Variants in UBE2E2 observed in about 807,000 individuals in gnomAD.
The protein encoded by UBE2E2 is ubiquitin conjugating enzyme E2 E2.
UBE2E2 carries 6 observed loss-of-function variants against 24.7 expected under a neutral mutation model. The observed-to-expected ratio is 0.24, with a 90% CI of 0.13 to 0.48. The LOEUF is 0.48. Ranked by LOEUF, UBE2E2 falls within the 20% of genes least tolerant of loss-of-function variation. The pLI is 0.99. For synonymous variants in UBE2E2, 104 were observed against 83.6 expected, an observed-to-expected ratio of 1.24 and a Z score of -1.33; for missense variants, 169 against 245.0, an observed-to-expected ratio of 0.69 and a Z score of 2.07.
At chr3:23,491,671 T>C (rs1480694160) in intron 3 of UBE2E2, among the ~76,000 whole-genome samples, 1 of 152,160 alleles carries the variant, frequency 6.6e-6, no homozygotes, top group African/African-American at 2.4e-5. Context: ...AGGAGCCAAT[T>C]CTTTATGAAA....
At chr3:23,396,941 G>A (rs1349380459) in intron 3 of UBE2E2, among the ~76,000 whole-genome samples, 2 of 152,318 alleles carry the variant, frequency 1.3e-5, no homozygotes, top group Non-Finnish European at 2.9e-5. Context: ...AATAGAGTGT[G>A]ATACCTGCTT....
intron 3 of UBE2E2, among the ~76,000 whole-genome samples, chr3:23,373,230 T>G (rs1696439938): frequency 6.6e-6 from 1 of 152,136 alleles, no homozygotes; most frequent in Non-Finnish European, 1.5e-5. Context: ...GGGTTCTAAG[T>G]AAAACACCAG....
intron 3 of UBE2E2, among the ~76,000 whole-genome samples, chr3:23,241,095 T>C (rs1697248265): frequency 6.6e-6 from 1 of 152,206 alleles, no homozygotes; most frequent in Non-Finnish European, 1.5e-5. Flanking sequence ...CCAAATCTGC[T>C]TCACCCAGTC....
chr3:23,354,028 C>G, intron 3 of UBE2E2, among the ~76,000 whole-genome samples: 1 of 152,112 alleles, frequency 6.6e-6, no homozygotes. Flanking sequence ...GGTACTGGTA[C>G]CAAAACAGAG....
intron 4 of UBE2E2, among the ~76,000 whole-genome samples, chr3:23,501,290 A>G (rs1211362635): frequency 3.9e-5 from 6 of 152,206 alleles, no homozygotes; most frequent in African/African-American, 1.2e-4. Context: ...AATGACAGAA[A>G]TGTGTAGATT....
At chr3:23,311,163 T>C (rs201248513) in intron 3 of UBE2E2, among the ~76,000 whole-genome samples, 1 of 152,170 alleles carries the variant, frequency 6.6e-6, no homozygotes, top group Non-Finnish European at 1.5e-5. Flanking sequence ...CAGCTTCATC[T>C]ATGTCCCTGC....
intron 5 of UBE2E2, among the ~76,000 whole-genome samples, chr3:23,562,241 C>G (rs2125505448): frequency 6.6e-6 from 1 of 152,076 alleles, no homozygotes; most frequent in East Asian, 1.9e-4. Flanking sequence ...GAGATACGTC[C>G]CATCAATACC....
intron 3 of UBE2E2, among the ~76,000 whole-genome samples, chr3:23,357,394 T>G (rs1270232463): frequency 1.3e-5 from 2 of 152,118 alleles, no homozygotes; most frequent in African/African-American, 4.8e-5. Context: ...TGCCTGGAGA[T>G]ATGTGTGTGT....
intron 3 of UBE2E2, among the ~76,000 whole-genome samples, chr3:23,429,993 A>G (rs1698019660): frequency 6.6e-6 from 1 of 151,950 alleles, no homozygotes; most frequent in African/African-American, 2.4e-5. Context: ...CAATCCTCCC[A>G]CCTCAGCCTC....
Position 23,270,817 on chromosome 3 carries a change from ACT to A in UBE2E2, c.227+53510_227+53511del, listed in dbSNP as rs527679919. On this transcript the variant is annotated intron_variant, in intron 3 of 5. Transcript: ENST00000396703. Reference sequence around the variant, plus strand: ...ACAGTTTCAGGAATTCATTTAACACACTCTCTTAGGTGTGCAATTGTTTTTCT... The same window carrying A: ...ACAGTTTCAGGAATTCATTTAACACACTCTTAGGTGTGCAATTGTTTTTCT... 21 of 409,176 alleles carry A rather than the reference ACT, an allele frequency of 5.1e-5. 1 individual carries two copies. Among genetic ancestry groups the A allele is most frequent in the Admixed American group, 4.2e-4 (15 of 36,052 alleles). The allele number at this position is 409,176 out of a possible 1,614,324, so 25.3% of individuals were successfully genotyped here.
chr3:23,316,221 G>T (rs189630503), intron 3 of UBE2E2, among the ~76,000 whole-genome samples: 1 of 152,106 alleles, frequency 6.6e-6, no homozygotes, highest in African/African-American at 2.4e-5. Flanking sequence ...CTTAGGTCCT[G>T]TATGGGTCCA....
At chr3:23,588,814 A>G (rs1696692080) in intron 5 of UBE2E2, among the ~76,000 whole-genome samples, 2 of 152,050 alleles carry the variant, frequency 1.3e-5, no homozygotes, top group Non-Finnish European at 2.9e-5. Flanking sequence ...AACATATTAG[A>G]GTTTTAGGAC....
chr3:23,457,981 A>T (rs2125422295), intron 3 of UBE2E2, among the ~76,000 whole-genome samples: 1 of 152,270 alleles, frequency 6.6e-6, no homozygotes, highest in South Asian at 2.1e-4. Flanking sequence ...TCACTTTCTT[A>T]TCATTCATGT....
At chr3:23,441,639 T>G (rs114295948) in intron 3 of UBE2E2, among the ~76,000 whole-genome samples, 3 of 152,268 alleles carry the variant, frequency 2.0e-5, no homozygotes, top group African/African-American at 7.2e-5. Context: ...ACTGACTTGT[T>G]CCTAATAGTC....
At position 23,330,439 on chromosome 3, in the gene UBE2E2, A is replaced by G. The variant is rs186559616; in HGVS notation, c.227+113127A>G. The stretch of plus-strand genomic sequence containing the variant: ...GTTGCTGGCAGAATACATTTATTCT[A>G]TAGGAGGTAGGTGACAGCTGTTTTT... On this transcript the variant is annotated intron_variant, in intron 3 of 5. Transcript: ENST00000396703. Among the ~76,000 whole-genome samples the G allele has an allele frequency of 3.0e-4, 46 of 152,344 alleles. 1 individual carries two copies. Among genetic ancestry groups the G allele is most frequent in the Admixed American group, 2.0e-3 (30 of 15,296 alleles).
chr3:23,363,518 A>G (rs1197409890), intron 3 of UBE2E2, among the ~76,000 whole-genome samples: 1 of 152,240 alleles, frequency 6.6e-6, no homozygotes, highest in African/African-American at 2.4e-5. Context: ...GACAAAATAG[A>G]CGTTAAACCA....
At chr3:23,289,773 G>T (rs146106908) in intron 3 of UBE2E2, among the ~76,000 whole-genome samples, 1 of 152,312 alleles carries the variant, frequency 6.6e-6, no homozygotes, top group Non-Finnish European at 1.5e-5. Context: ...TTATGAAATT[G>T]TAAAGGAATG....
intron 5 of UBE2E2, among the ~76,000 whole-genome samples, chr3:23,543,469 A>G (rs901935553): frequency 4.6e-5 from 7 of 152,184 alleles, no homozygotes; most frequent in Non-Finnish European, 1.0e-4. Flanking sequence ...AATAGCTGCA[A>G]AAATAAAATA....
At chr3:23,477,901 A>G (rs923248812) in intron 3 of UBE2E2, among the ~76,000 whole-genome samples, 8 of 152,174 alleles carry the variant, frequency 5.3e-5, no homozygotes, top group Non-Finnish European at 1.0e-4. Flanking sequence ...TGGTTTTATA[A>G]GGCGCTTTTC....
Sources: allele counts gnomAD v4.1 joint callset (sites outside exome capture counted in the v4.1 genomes callset), GRCh38; gene constraint gnomAD v4.1.1; transcripts MANE v1.5; gene names NCBI Gene and HGNC (gene_info 2026-07-23, HGNC 2026-07-21).